Variants in GALNT18 observed in about 807,000 individuals in gnomAD.
GALNT18 encodes the protein GalNAc-transferase 18.
Under a neutral mutation model 69.5 loss-of-function variants are expected in GALNT18, and 44 were observed. The ratio of observed to expected loss-of-function variants is 0.63; its 90% CI spans 0.50 to 0.81. GALNT18 has a LOEUF of 0.81. Ranked by LOEUF, GALNT18 falls within the 40% of genes least tolerant of loss-of-function variation. GALNT18 has a pLI of 0.00. For synonymous variants in GALNT18, 364 were observed against 318.2 expected, an observed-to-expected ratio of 1.14 and a Z score of -1.53; for missense variants, 715 against 810.0, an observed-to-expected ratio of 0.88 and a Z score of 1.42.
chr11:11,283,194 A>C (rs985298234), intron 10 of GALNT18, among the ~76,000 whole-genome samples: 1 of 152,122 alleles, frequency 6.6e-6, no homozygotes, highest in Non-Finnish European at 1.5e-5. Flanking sequence ...TCACTCTGTC[A>C]CACAGGCTGG....
intron 1 of GALNT18, among the ~76,000 whole-genome samples, chr11:11,483,174 C>T (rs199970112): frequency 2.4e-5 from 1 of 42,424 alleles, no homozygotes; most frequent in African/African-American, 6.5e-5. Context: ...GTCTTGCCTC[C>T]TTGCCTCTAT....
intron 3 of GALNT18, among the ~76,000 whole-genome samples, chr11:11,406,295 T>C (rs568964750): frequency 8.5e-4 from 129 of 152,360 alleles, no homozygotes; most frequent in Non-Finnish European, 1.4e-3. Context: ...ATCATCATAA[T>C]GTCTGCAGTT....
intron 1 of GALNT18, among the ~76,000 whole-genome samples, chr11:11,568,865 C>T (rs1168249495): frequency 6.6e-6 from 1 of 152,198 alleles, no homozygotes; most frequent in Non-Finnish European, 1.5e-5. Flanking sequence ...AAGCCTGTGG[C>T]CAATATAACC....
Position 11,454,617 on chromosome 11 carries a change from A to G in GALNT18, c.236-5681T>C, listed in dbSNP as rs1242485040. 6.6e-6 allele frequency among the ~76,000 whole-genome samples: 1 copy of G among 152,056 alleles called. No individual in the cohort carries two copies. The highest frequency in any genetic ancestry group is 1.5e-5 in the Non-Finnish European group (1 of 68,010). On this transcript the variant is annotated intron_variant, in intron 1 of 10. Transcript: ENST00000227756. This position sits in a 1 kb window ranked among gnomAD's most constrained non-coding sequence, Gnocchi z 4.2. Reference sequence around the variant, plus strand: ...CCCAGAAACCCAGGCACAAAGGGCAATGAGGTGGGAAGACCCAGAGACTCT... The same window carrying G: ...CCCAGAAACCCAGGCACAAAGGGCAGTGAGGTGGGAAGACCCAGAGACTCT...
chr11:11,463,428 T>C lies in GALNT18; in HGVS notation c.236-14492A>G, dbSNP rs1856089695. Among the ~76,000 whole-genome samples the C allele has an allele frequency of 6.6e-6, 1 of 152,206 alleles. No homozygotes were observed. Among genetic ancestry groups the C allele is most frequent in the African/African-American group, 2.4e-5 (1 of 41,452 alleles). ...TTCAGTTAACTAGCCCACATCTGAT[T>C]CTTTAAATGTAGTGTACAGTGCAGA... On this transcript the variant is annotated intron_variant, in intron 1 of 10. Coordinates refer to ENST00000227756, the MANE Select transcript of GALNT18 (RefSeq NM_198516.3). This position sits in a 1 kb window ranked among gnomAD's most constrained non-coding sequence, Gnocchi z 4.2.
intron 2 of GALNT18, among the ~76,000 whole-genome samples, chr11:11,437,383 G>A (rs556903469): frequency 4.6e-5 from 7 of 152,196 alleles, no homozygotes; most frequent in Admixed American, 2.0e-4. Flanking sequence ...CTAATAAGCC[G>A]GAATTGATGG....
intron 10 of GALNT18, among the ~76,000 whole-genome samples, chr11:11,278,112 C>G (rs1848987231): frequency 6.6e-6 from 1 of 151,626 alleles, no homozygotes; most frequent in Admixed American, 6.6e-5. Context: ...GTTAAAGTCT[C>G]CCACTATTAT....
At chr11:11,572,261 A>T (rs918669130) in intron 1 of GALNT18, among the ~76,000 whole-genome samples, 1 of 152,168 alleles carries the variant, frequency 6.6e-6, no homozygotes, top group Admixed American at 6.5e-5. Flanking sequence ...TATCTAGAAG[A>T]GGGGTACACA....
intron 3 of GALNT18, among the ~76,000 whole-genome samples, chr11:11,407,233 T>G (rs1589976152): frequency 6.6e-6 from 1 of 152,158 alleles, no homozygotes; most frequent in South Asian, 2.1e-4. Flanking sequence ...CAGGGGCTGG[T>G]TTTAAAGGTT....
chr11:11,410,476 A>T (rs1296315911), intron 3 of GALNT18, among the ~76,000 whole-genome samples: 3 of 152,218 alleles, frequency 2.0e-5, no homozygotes, highest in Non-Finnish European at 4.4e-5. Context: ...TATGTTCATT[A>T]TACTCAAATA....
chr11:11,321,978 T>A (rs1344656083), intron 9 of GALNT18, among the ~76,000 whole-genome samples: 1 of 152,088 alleles, frequency 6.6e-6, no homozygotes, highest in African/African-American at 2.4e-5. Flanking sequence ...CAGTCCAGGG[T>A]TGGTTGCAGC....
chr11:11,281,454 G>A (rs974657382), intron 10 of GALNT18, among the ~76,000 whole-genome samples: 1 of 152,298 alleles, frequency 6.6e-6, no homozygotes, highest in Non-Finnish European at 1.5e-5. Flanking sequence ...ACCAAGTGCC[G>A]CTGCCCACTC....
chr11:11,550,734 G>A (rs938101168), intron 1 of GALNT18, among the ~76,000 whole-genome samples: 6 of 152,180 alleles, frequency 3.9e-5, no homozygotes, highest in African/African-American at 1.4e-4. Flanking sequence ...TGTCCAAGGT[G>A]GTAGCCACCC....
At chr11:11,437,871 G>A (rs1333542558) in intron 2 of GALNT18, among the ~76,000 whole-genome samples, 1 of 152,166 alleles carries the variant, frequency 6.6e-6, no homozygotes, top group Non-Finnish European at 1.5e-5. Context: ...CTATGCCAGG[G>A]TTCTGGGAGT....
At chr11:11,527,996 T>C (rs1337120914) in intron 1 of GALNT18, among the ~76,000 whole-genome samples, 3 of 152,196 alleles carry the variant, frequency 2.0e-5, no homozygotes, top group Admixed American at 2.0e-4. Flanking sequence ...GCATGGGTTA[T>C]CTTATTTAAT....
chr11:11,621,531 A>C lies in GALNT18; in HGVS notation c.63T>G (p.Thr21=), dbSNP rs758031837. 10 of 1,614,062 alleles carry C rather than the reference A, an allele frequency of 6.2e-6. No homozygotes were observed. Among genetic ancestry groups the C allele is most frequent in the Non-Finnish European group, 1.7e-6 (2 of 1,179,980 alleles). The part of the protein sequence containing the change: ...VSTCVILSGM[T]NIICLLYVGW... ...CCACGTAGAGCAGGCAGATGATGTTAGTCATGCCGCTCAGGATCACGCAAG... is the reference window on the plus strand; with the variant it reads ...CCACGTAGAGCAGGCAGATGATGTTCGTCATGCCGCTCAGGATCACGCAAG... Residue 21 remains threonine, a synonymous_variant, in exon 1 of 11, where the codon ACT becomes ACG. Coordinates refer to ENST00000227756, the MANE Select transcript of GALNT18 (RefSeq NM_198516.3). The surrounding 1 kb of genome is among the most constrained non-coding windows in gnomAD (Gnocchi z 9.3).
intron 7 of GALNT18, among the ~76,000 whole-genome samples, chr11:11,333,368 T>A (rs1286204743): frequency 6.6e-6 from 1 of 152,174 alleles, no homozygotes; most frequent in Non-Finnish European, 1.5e-5. Flanking sequence ...TTACTTCTAT[T>A]TATACGTATG....
intron 9 of GALNT18, among the ~76,000 whole-genome samples, chr11:11,310,954 C>G (rs1211999043): frequency 1.8e-4 from 27 of 152,210 alleles, no homozygotes; most frequent in African/African-American, 6.3e-4. Flanking sequence ...TACCCACGCT[C>G]AATGCCGCCA....
At chr11:11,599,200 T>C (rs1026689750) in intron 1 of GALNT18, among the ~76,000 whole-genome samples, 6 of 152,164 alleles carry the variant, frequency 3.9e-5, no homozygotes, top group African/African-American at 4.8e-5. Flanking sequence ...TATGGAAGTC[T>C]CCAACTATTA....
Sources: gnomAD v4.1 joint callset for allele counts (sites outside exome capture counted in the v4.1 genomes callset) on GRCh38, gnomAD v4.1.1 for gene constraint, Gnocchi (gnomAD v3.1) non-coding constraint, MANE v1.5 for transcripts, NCBI Gene and HGNC (gene_info 2026-07-23, HGNC 2026-07-21) for gene names.